CCNG2: variants seen among roughly 807,000 people sequenced by gnomAD.
The protein encoded by CCNG2 is cyclin-G2.
Under a neutral mutation model 36.5 loss-of-function variants are expected in CCNG2, and 20 were observed. The observed-to-expected ratio is 0.55, with a 90% CI of 0.39 to 0.80. CCNG2 has a LOEUF of 0.80. CCNG2 is among the 30% of genes least tolerant of loss of function. The pLI is 0.00. For synonymous variants in CCNG2, 155 were observed against 140.1 expected (o/e 1.11, Z -0.75); for missense variants, 358 against 390.8 (o/e 0.92, Z 0.71).
intron 6 of CCNG2, among the ~76,000 whole-genome samples, chr4:77,162,011 GT>G: frequency 6.6e-6 from 1 of 152,166 alleles, no homozygotes; most frequent in South Asian, 2.1e-4. Context: ...TAGTACAGCT[GT>G]TACATTGCCA....
At position 77,159,354 on chromosome 4, in the gene CCNG2, G is replaced by GT. The variant is rs1197790968; in HGVS notation, c.139-8dup. 1 of 1,598,952 alleles carries GT rather than the reference G, an allele frequency of 6.3e-7. No individual in the cohort carries two copies. ...AGAAAATTGTAAACCTTGGTTCTTG[G>GT]TTTTTATTGCAGAATGATAACACTT... On this transcript the variant is annotated splice_polypyrimidine_tract_variant and intron_variant, in intron 2 of 7. Coordinates refer to ENST00000316355, the MANE Select transcript of CCNG2 (RefSeq NM_004354.3).
rs1250544899 is a variant in CCNG2, at chr4:77,158,481, C to G, written c.1-52C>G. ...TGGCCTCAGCCCTTTCTCCCGCTTCCCCACCCCTCTTACCCCCAGATTACA... is the reference window on the plus strand; with the variant it reads ...TGGCCTCAGCCCTTTCTCCCGCTTCGCCACCCCTCTTACCCCCAGATTACA... On this transcript the variant is annotated intron_variant, in intron 1 of 7. Coordinates refer to ENST00000316355, the MANE Select transcript of CCNG2 (RefSeq NM_004354.3). 3.1e-6 allele frequency: 5 copies of G among 1,602,828 alleles called. No homozygotes were observed. In the South Asian group the frequency reaches 3.3e-5, roughly 11 times the overall value.
rs1012884858 is a variant in CCNG2, at chr4:77,167,426, C to T, written c.*1502C>T. ...GTGGGATGGACTCATTAAGTATGCT[C>T]TCAGAGACTGGTATATTACCAGAAT... is the stretch of plus-strand genomic sequence containing the variant. On this transcript the variant is annotated 3_prime_UTR_variant, in exon 8 of 8. Coordinates refer to ENST00000316355, the MANE Select transcript of CCNG2 (RefSeq NM_004354.3). The T allele has an allele frequency of 6.6e-6, 1 of 152,180 alleles. No individual in the cohort carries two copies. Among genetic ancestry groups the T allele is most frequent in the African/African-American group, 2.4e-5 (1 of 41,442 alleles). 9.4% of individuals were successfully genotyped at this position (152,180 alleles called of 1,614,324 possible).
In CCNG2 at chr4:77,161,603, T is replaced by C. The variant is rs4150072; in HGVS notation, c.606+45T>C. 3,416 of 1,572,926 alleles carry C rather than the reference T, an allele frequency of 2.2e-3. 65 individuals carry two copies. In the African/African-American group the frequency reaches 0.042, roughly 19 times the overall value. ...ATGTATATATCTCACAGTTTGTATT[T>C]TGAATTTTTAAAAAATATTTTTCTT... On this transcript the variant is annotated intron_variant, in intron 5 of 7. Transcript: ENST00000316355.
At position 77,157,693 on chromosome 4, in the gene CCNG2, C is replaced by G. The variant is rs79256059; in HGVS notation, c.-1+187C>G. On this transcript the variant is annotated intron_variant, in intron 1 of 7. Transcript: ENST00000316355. ...CGCCCGCGATGGACAGATAGATGCT[C>G]GTGGGGTGGAAGGAGGTTGCGACTA... is the stretch of plus-strand genomic sequence containing the variant. Among the ~76,000 whole-genome samples, 725 of 151,884 alleles carry G rather than the reference C, an allele frequency of 4.8e-3. 5 individuals carry two copies. The highest frequency in any genetic ancestry group is 0.017 in the African/African-American group (699 of 41,446).
At chr4:77,159,330 GA>G in intron 2 of CCNG2, 36 bp from the exon 3 acceptor site, 1 of 1,580,410 alleles carries the variant, frequency 6.3e-7, no homozygotes, top group South Asian at 1.2e-5. Flanking sequence ...CTGGTTCTAA[GA>G]AAATTGTAAA....
At chr4:77,165,587 A>G (rs888955384) in intron 7 of CCNG2, among the ~76,000 whole-genome samples, 3 of 152,040 alleles carry the variant, frequency 2.0e-5, no homozygotes, top group South Asian at 2.1e-4. Flanking sequence ...GATGACAGGG[A>G]TGAGCCACTG....
At position 77,164,380 on chromosome 4, in the gene CCNG2, T is replaced by C; in HGVS notation, c.812T>C (p.Ile271Thr). The change falls in exon 7 of 8, where the codon ATC (isoleucine) becomes ACC (threonine). Residue 271 changes from isoleucine (I) to threonine (T), a missense_variant. Physicochemically the swap from Ile to Thr is moderately conservative, Grantham distance 89 (BLOSUM62 -1). Coordinates refer to ENST00000316355, the MANE Select transcript of CCNG2 (RefSeq NM_004354.3). ...CCAGATCTTAAGAAGTTGGTTTGGA[T>C]CGTTTCAAGGCGCACAGCCCAGAAC... Reference protein sequence around the residue: ...CKPDLKKLVWIVSRRTAQNLH... With the variant: ...CKPDLKKLVWTVSRRTAQNLH... 4 of 1,614,110 alleles carry C rather than the reference T, an allele frequency of 2.5e-6. No individual in the cohort carries two copies. The highest frequency in any genetic ancestry group is 3.4e-6 in the Non-Finnish European group (4 of 1,180,002).
chr4:77,161,657 A>T lies in CCNG2; in HGVS notation c.615A>T (p.Val205=), dbSNP rs754427903. The T allele has an allele frequency of 4.4e-6, 7 of 1,602,790 alleles. No homozygotes were observed. The African/African-American group carries it at 8.1e-5, about 19-fold the overall frequency. Residue 205 remains valine, a synonymous_variant, in exon 6 of 8, where the codon GTA becomes GTT. Transcript: ENST00000316355. The part of the protein sequence containing the change: ...RLIFSKAKPS[V]LALCLLNLEV... ...TTTCTTTTTTCTTACAGCCATCTGTATTAGCCTTGTGCCTTCTCAATTTGG... is the reference window on the plus strand; with the variant it reads ...TTTCTTTTTTCTTACAGCCATCTGTTTTAGCCTTGTGCCTTCTCAATTTGG...
At chr4:77,159,333 A>G (rs1421095135) in intron 2 of CCNG2, 34 bp from the exon 3 acceptor site, 1 of 1,581,682 alleles carries the variant, frequency 6.3e-7, no homozygotes, top group Non-Finnish European at 8.6e-7. Flanking sequence ...GTTCTAAGAA[A>G]ATTGTAAACC....
chr4:77,166,072 C>A lies in CCNG2; in HGVS notation c.*148C>A, dbSNP rs1319210841. 2 of 671,276 alleles carry A rather than the reference C, an allele frequency of 3.0e-6. No homozygotes were observed. Among genetic ancestry groups the A allele is most frequent in the Non-Finnish European group, 4.6e-6 (2 of 438,540 alleles). The allele number at this position is 671,276 out of a possible 1,614,324, so 41.6% of individuals were successfully genotyped here. On this transcript the variant is annotated 3_prime_UTR_variant, in exon 8 of 8. Transcript: ENST00000316355. ...TATTTGTTATTCAGATCAGATCTGG[C>A]CTATTTTCATATTTATCCTAAGCCA...
chr4:77,166,088 T>TC lies in CCNG2; in HGVS notation c.*166dup. 1 of 557,074 alleles carries TC rather than the reference T, an allele frequency of 1.8e-6. No individual in the cohort carries two copies. Among genetic ancestry groups the TC allele is most frequent in the Non-Finnish European group, 2.9e-6 (1 of 346,084 alleles). 34.5% of individuals were successfully genotyped at this position (557,074 alleles called of 1,614,324 possible). A position where few individuals can be genotyped will look rare whatever the true frequency, so the allele number is the denominator to read the frequency against. ...CAGATCTGGCCTATTTTCATATTTA[T>TC]CCTAAGCCATCAAATGGGGTAGTGC... On this transcript the variant is annotated 3_prime_UTR_variant, in exon 8 of 8. Coordinates refer to ENST00000316355, the MANE Select transcript of CCNG2 (RefSeq NM_004354.3).
rs1731350814 is a variant in CCNG2, at chr4:77,158,998, T to C, written c.138+328T>C. Among the ~76,000 whole-genome samples the C allele has an allele frequency of 2.0e-5, 3 of 152,328 alleles. No individual in the cohort carries two copies. In the South Asian group the frequency reaches 6.2e-4, roughly 32 times the overall value. ...GTGCAAACACCCTCTGCCTGTGAAA[T>C]ACATATTTATAGTAGAATCTTAAAT... On this transcript the variant is annotated intron_variant, in intron 2 of 7. Coordinates refer to ENST00000316355, the MANE Select transcript of CCNG2 (RefSeq NM_004354.3).
chr4:77,162,376 ATTTTTTTTTTTTTTT>A lies in CCNG2; in HGVS notation c.705+641_705+655del, dbSNP rs35692387. ...TAGTGAATATAGAGAGTACTTTGGG[ATTTTTTTTTTTTTTT>A]TTTTTTTTTTTGAGACAGTCTTGCT... is the stretch of plus-strand genomic sequence containing the variant. On this transcript the variant is annotated intron_variant, in intron 6 of 7. Coordinates refer to ENST00000316355, the MANE Select transcript of CCNG2 (RefSeq NM_004354.3). Among the ~76,000 whole-genome samples, 79 of 71,428 alleles carry A rather than the reference ATTTTTTTTTTTTTTT, an allele frequency of 1.1e-3. No individual in the cohort carries two copies. The East Asian group carries it at 0.028, about 26-fold the overall frequency. The allele number at this position is 71,428 out of a possible 152,430, so 46.9% of individuals were successfully genotyped here.
At chr4:77,159,886 T>C (rs186206472) in intron 3 of CCNG2, among the ~76,000 whole-genome samples, 88 of 152,340 alleles carry the variant, frequency 5.8e-4, no homozygotes, top group African/African-American at 1.9e-3. Flanking sequence ...GTTTATTAAA[T>C]ATGACCGGCT....
At chr4:77,164,516 C>G (rs980383142) in intron 7 of CCNG2, 37 bp downstream of exon 7, 3 of 1,437,958 alleles carry the variant, frequency 2.1e-6, no homozygotes, top group Non-Finnish European at 2.9e-6. Flanking sequence ...CTTCCCTAGA[C>G]TAAATATTAC....
intron 6 of CCNG2, among the ~76,000 whole-genome samples, chr4:77,162,518 G>T (rs1731509466): frequency 6.6e-6 from 1 of 151,752 alleles, no homozygotes; most frequent in Non-Finnish European, 1.5e-5. Context: ...GAGTAGCTGG[G>T]GCTACAGGTG....
intron 4 of CCNG2, 41 bp from the exon 5 acceptor site, chr4:77,161,439 C>G: frequency 7.2e-7 from 1 of 1,386,504 alleles, no homozygotes; most frequent in East Asian, 2.3e-5. Context: ...TCATTTAAAT[C>G]TTTGGAAGTT....
chr4:77,160,632 C>T (rs1450629230), intron 3 of CCNG2, 89 bp from the exon 4 acceptor site: 7 of 1,296,914 alleles, frequency 5.4e-6, no homozygotes, highest in Non-Finnish European at 2.1e-6. Flanking sequence ...TGTGTTCTGT[C>T]TTAAGAATAG....
Sources: allele counts gnomAD v4.1 joint callset (sites outside exome capture counted in the v4.1 genomes callset), GRCh38; gene constraint gnomAD v4.1.1; transcripts MANE v1.5; gene names NCBI Gene and HGNC (gene_info 2026-07-23, HGNC 2026-07-21).